BACH1: variants seen among roughly 807,000 people sequenced by gnomAD.
The protein encoded by BACH1 is transcription regulator protein BACH1.
Under a neutral mutation model 52.9 loss-of-function variants are expected in BACH1, and 35 were observed. That is an observed-to-expected ratio of 0.66 (90% confidence interval 0.51 to 0.88). The LOEUF is 0.88. Ranked by LOEUF, BACH1 falls within the 40% of genes least tolerant of loss-of-function variation. BACH1 has a pLI of 0.00. For missense variants in BACH1, 808 were observed against 872.6 expected, an observed-to-expected ratio of 0.93 and a Z score of 0.93; for synonymous variants, 321 against 319.6, an observed-to-expected ratio of 1.00 and a Z score of -0.05.
chr21:29,306,125 G>GGA (rs2088653636), intron 1 of BACH1, among the ~76,000 whole-genome samples: 1 of 151,318 alleles, frequency 6.6e-6, no homozygotes, highest in Admixed American at 6.6e-5. Flanking sequence ...GTGAATAAGA[G>GGA]GAGAGAGAAA....
intron 4 of BACH1, 26 bp downstream of exon 4, chr21:29,329,719 A>G (rs1252485138): frequency 2.1e-6 from 3 of 1,442,962 alleles, no homozygotes; most frequent in Admixed American, 2.7e-5. Flanking sequence ...TCTTGTTACT[A>G]TTTAAATTCC....
At chr21:29,341,160 TAAC>T (rs1322491817) in intron 4 of BACH1, among the ~76,000 whole-genome samples, 1 of 152,206 alleles carries the variant, frequency 6.6e-6, no homozygotes, top group Non-Finnish European at 1.5e-5. Flanking sequence ...TATAAAACCA[TAAC>T]AATACTTTTG....
At chr21:29,300,387 A>G (rs1019503383) in intron 1 of BACH1, among the ~76,000 whole-genome samples, 1 of 152,214 alleles carries the variant, frequency 6.6e-6, no homozygotes, top group Admixed American at 6.5e-5. Flanking sequence ...ACATGCCTCC[A>G]CTATAAAAGG....
rs7282800 is a variant in BACH1, at chr21:29,323,086, A to G, written c.234+1572A>G. On this transcript the variant is annotated intron_variant, in intron 2 of 4. Transcript: ENST00000286800. ...GTGTTTCATTATAGTGACAATGTCA[A>G]AATACCTTATAACTCACTATCCTAA... Among the ~76,000 whole-genome samples, 564 of 152,342 alleles carry G rather than the reference A, an allele frequency of 3.7e-3. 4 individuals are homozygous for G. The highest frequency in any genetic ancestry group is 0.013 in the African/African-American group (536 of 41,576).
At chr21:29,350,453 C>T (rs1382886347), downstream of BACH1, among the ~76,000 whole-genome samples, 1 of 152,218 alleles carries the variant, frequency 6.6e-6, no homozygotes, top group Non-Finnish European at 1.5e-5. Context: ...GAGCCTAGTG[C>T]AAACTCCAGA....
intron 4 of BACH1, among the ~76,000 whole-genome samples, chr21:29,333,599 CT>C (rs2089009557): frequency 6.6e-6 from 1 of 152,086 alleles, no homozygotes; most frequent in Admixed American, 6.6e-5. Flanking sequence ...GCAGAGGGCC[CT>C]ATATTCTAGT....
chr21:29,325,852 G>T (rs144057662), intron 2 of BACH1, among the ~76,000 whole-genome samples: 245 of 152,272 alleles, frequency 1.6e-3, no homozygotes, highest in African/African-American at 5.3e-3. Flanking sequence ...CTATAAAATA[G>T]TGTGTGGTCC....
At chr21:29,349,093 CAAA>C (rs35556925), downstream of BACH1, among the ~76,000 whole-genome samples, 3 of 122,368 alleles carry the variant, frequency 2.5e-5, no homozygotes, top group African/African-American at 3.1e-5. Context: ...GACTCCGTCT[CAAA>C]AAAAAAAAAA....
chr21:29,303,912 A>T (rs951616053), intron 1 of BACH1, among the ~76,000 whole-genome samples: 1 of 152,222 alleles, frequency 6.6e-6, no homozygotes, highest in East Asian at 1.9e-4. Context: ...GTTAATGACC[A>T]GTGTAGAAAC....
At chr21:29,356,239 T>TA (rs1261239299) in intron 2 of BACH1, among the ~76,000 whole-genome samples, 2 of 152,362 alleles carry the variant, frequency 1.3e-5, no homozygotes, top group East Asian at 3.9e-4. Flanking sequence ...CTGATTTCCA[T>TA]AAAATTAGAA....
chr21:29,347,820 C>T (rs1011316105), downstream of BACH1, among the ~76,000 whole-genome samples: 19 of 152,180 alleles, frequency 1.2e-4, no homozygotes, highest in African/African-American at 3.1e-4. Flanking sequence ...CCTACCTCAT[C>T]GTCCCGTGTA....
chr21:29,335,184 A>G (rs1022196740), intron 4 of BACH1, among the ~76,000 whole-genome samples: 5 of 152,196 alleles, frequency 3.3e-5, no homozygotes, highest in Non-Finnish European at 7.4e-5. Flanking sequence ...CTGCCTGGCC[A>G]CTGGGTAGCT....
intron 4 of BACH1, among the ~76,000 whole-genome samples, chr21:29,333,570 C>T (rs2089009346): frequency 6.6e-6 from 1 of 152,090 alleles, no homozygotes; most frequent in Non-Finnish European, 1.5e-5. Flanking sequence ...ATTTATTGCT[C>T]AGGTCTAAAA....
At chr21:29,341,428 A>G (rs1358924623) in intron 4 of BACH1, among the ~76,000 whole-genome samples, 13 of 152,180 alleles carry the variant, frequency 8.5e-5, no homozygotes, top group Admixed American at 8.5e-4. Context: ...TACCTTGATT[A>G]TTTGGTTTCC....
chr21:29,301,423 T>C (rs2088602637), intron 1 of BACH1, among the ~76,000 whole-genome samples: 1 of 152,224 alleles, frequency 6.6e-6, no homozygotes, highest in Non-Finnish European at 1.5e-5. Flanking sequence ...GGAATGCTTT[T>C]TCTTTTAACT....
Position 29,326,854 on chromosome 21 carries a change from A to T in BACH1, c.1030A>T (p.Thr344Ser). The change falls in exon 3 of 5, where the codon ACA becomes TCA. Residue 344 changes from threonine to serine, a missense_variant. Physicochemically the swap from Thr to Ser is moderately conservative, Grantham distance 58 (BLOSUM62 1). Coordinates refer to ENST00000286800, the MANE Select transcript of BACH1 (RefSeq NM_001186.4). ...GAATTTTGCTGGTATGCAAAACACA[A>T]CAGTGTTAACAGAAAAGCCTTTGTC... The part of the protein sequence containing the change: ...DLNFAGMQNT[T>S]VLTEKPLSGT... The T allele has an allele frequency of 6.2e-7, 1 of 1,614,202 alleles. No individual in the cohort carries two copies. The highest frequency in any genetic ancestry group is 8.5e-7 in the Non-Finnish European group (1 of 1,180,010).
chr21:29,354,057 A>G (rs937069310), intron 2 of BACH1, among the ~76,000 whole-genome samples: 2 of 152,230 alleles, frequency 1.3e-5, no homozygotes, highest in African/African-American at 2.4e-5. Flanking sequence ...TGGTCAACCA[A>G]TGGAGCTCTA....
intron 1 of BACH1, among the ~76,000 whole-genome samples, chr21:29,301,177 T>G (rs1601333481): frequency 6.6e-6 from 1 of 152,192 alleles, no homozygotes; most frequent in African/African-American, 2.4e-5. Flanking sequence ...TAGAGGAGAT[T>G]AGAAATCATG....
intron 1 of BACH1, among the ~76,000 whole-genome samples, chr21:29,312,655 AAAC>A (rs1245061058): frequency 6.6e-6 from 1 of 152,238 alleles, no homozygotes; most frequent in Non-Finnish European, 1.5e-5. Flanking sequence ...AAGTTTAAAA[AAAC>A]CAACTCTGTA....
Sources: allele counts gnomAD v4.1 joint callset (sites outside exome capture counted in the v4.1 genomes callset), GRCh38; gene constraint gnomAD v4.1.1; transcripts MANE v1.5; gene names NCBI Gene and HGNC (gene_info 2026-07-23, HGNC 2026-07-21).